The following FUT8 variants were observed in gnomAD, a reference collection of about 807,000 sequenced individuals.
The protein encoded by FUT8 is fucosyltransferase 8.
Under a neutral mutation model 71.3 loss-of-function variants are expected in FUT8, and 29 were observed. The observed-to-expected ratio is 0.41, with a 90% confidence interval of 0.30 to 0.55. The LOEUF (loss-of-function observed/expected upper bound fraction) is 0.55, where lower values mean the gene tolerates loss of function less well. Ranked by LOEUF, FUT8 falls within the 20% of genes least tolerant of loss-of-function variation. FUT8 has a pLI of 0.34. For missense variants in FUT8, 544 were observed against 702.1 expected (o/e 0.77, Z 2.55); for synonymous variants, 254 against 239.3 (o/e 1.06, Z -0.57).
In FUT8 at chr14:65,692,579, C is replaced by T. The variant is rs370853617; in HGVS notation, c.835+23099C>T. Among the ~76,000 whole-genome samples the T allele has an allele frequency of 4.2e-3, 626 of 149,462 alleles. 28 individuals are homozygous for T. In the East Asian group the frequency reaches 0.074, roughly 18 times the overall value. ...GGGCTGACCCCCCGCACCTCCCTCC[C>T]GGACGGGGCGGCTGGCTGGGCGGGG... On this transcript the variant is annotated intron_variant, in intron 7 of 10. Transcript: ENST00000673929.
intron 6 of FUT8, among the ~76,000 whole-genome samples, chr14:65,668,678 G>A (rs1892331903): frequency 6.6e-6 from 1 of 152,126 alleles, no homozygotes; most frequent in African/African-American, 2.4e-5. Context: ...CCGTTTTTGG[G>A]TATATAACCA....
chr14:65,708,393 G>A (rs553734465), intron 7 of FUT8, among the ~76,000 whole-genome samples: 2 of 152,228 alleles, frequency 1.3e-5, no homozygotes, highest in East Asian at 3.9e-4. Flanking sequence ...CGAATCTCAG[G>A]CAGTTCTTTA....
chr14:65,548,112 TTTA>T (rs962990550), intron 2 of FUT8, among the ~76,000 whole-genome samples: 1 of 152,034 alleles, frequency 6.6e-6, no homozygotes, highest in African/African-American at 2.4e-5. Flanking sequence ...GATATTTTCT[TTTA>T]TTATTAGACT....
intron 2 of FUT8, among the ~76,000 whole-genome samples, chr14:65,459,607 T>C (rs1026815913): frequency 3.2e-4 from 49 of 152,106 alleles, no homozygotes; most frequent in African/African-American, 9.9e-4. Context: ...AGAGAGAGAA[T>C]GATGAGTAAA....
At chr14:65,587,755 C>G (rs537442280) in intron 3 of FUT8, among the ~76,000 whole-genome samples, 1 of 152,070 alleles carries the variant, frequency 6.6e-6, no homozygotes, top group Non-Finnish European at 1.5e-5. Flanking sequence ...GTATGCATGC[C>G]TGATTTTATA....
At chr14:65,696,245 G>A (rs920025084) in intron 7 of FUT8, among the ~76,000 whole-genome samples, 10 of 152,126 alleles carry the variant, frequency 6.6e-5, no homozygotes, top group African/African-American at 1.4e-4. Context: ...TCTGAAGCTA[G>A]CAACAAATTT....
chr14:65,533,810 A>G (rs1179891197), intron 2 of FUT8, among the ~76,000 whole-genome samples: 1 of 152,146 alleles, frequency 6.6e-6, no homozygotes, highest in African/African-American at 2.4e-5. Flanking sequence ...TTCAATACCT[A>G]GTTCATTGAG....
At chr14:65,624,284 C>CTTTTT (rs61702275) in intron 5 of FUT8, among the ~76,000 whole-genome samples, 1 of 145,688 alleles carries the variant, frequency 6.9e-6, no homozygotes. Flanking sequence ...TTAGTGTACT[C>CTTTTT]TTTTTTTTTT....
intron 1 of FUT8, among the ~76,000 whole-genome samples, chr14:65,435,715 A>G (rs2065545369): frequency 6.6e-6 from 1 of 151,384 alleles, no homozygotes; most frequent in Non-Finnish European, 1.5e-5. Context: ...ACCATTTTGC[A>G]TTTCCACCAA....
At chr14:65,502,011 A>G (rs1447501257) in intron 2 of FUT8, among the ~76,000 whole-genome samples, 1 of 151,840 alleles carries the variant, frequency 6.6e-6, no homozygotes, top group Non-Finnish European at 1.5e-5. Context: ...CCCAAACTCA[A>G]GCAGTCCTCT....
the FUT8 span, among the ~76,000 whole-genome samples, chr14:65,387,958 A>G: frequency 0.13 from 20,459 of 152,224 alleles, 2,045 homozygotes; most frequent in East Asian, 0.54. Context: ...AAAAGAAGCC[A>G]GAGTATGATC....
At chr14:65,401,261 T>C in the FUT8 span, among the ~76,000 whole-genome samples, 84 of 152,274 alleles carry the variant, frequency 5.5e-4, no homozygotes, top group African/African-American at 1.3e-3. Context: ...ATTAGGAGAA[T>C]TGCAGAAAAT....
At chr14:65,423,174 C>CG (rs1196255130) in intron 1 of FUT8, among the ~76,000 whole-genome samples, 3 of 151,000 alleles carry the variant, frequency 2.0e-5, no homozygotes, top group South Asian at 2.1e-4. Flanking sequence ...TTTGTAGAGA[C>CG]GGGGTTTCAC....
intron 2 of FUT8, among the ~76,000 whole-genome samples, chr14:65,526,569 G>A (rs1295509536): frequency 6.6e-6 from 1 of 152,082 alleles, no homozygotes; most frequent in Non-Finnish European, 1.5e-5. Flanking sequence ...TACATTTAAG[G>A]TTAATATTGT....
At chr14:65,586,089 A>G (rs920851061) in intron 3 of FUT8, among the ~76,000 whole-genome samples, 1 of 152,228 alleles carries the variant, frequency 6.6e-6, no homozygotes, top group African/African-American at 2.4e-5. Context: ...AAAATAATAA[A>G]GACACTTTCC....
At position 65,742,393 on chromosome 14, in the gene FUT8, C is replaced by T; in HGVS notation, c.1711C>T (p.Pro571Ser). 6 of 1,611,028 alleles carry T rather than the reference C, an allele frequency of 3.7e-6. No individual in the cohort carries two copies. The highest frequency in any genetic ancestry group is 5.1e-6 in the Non-Finnish European group (6 of 1,178,026). The change falls in exon 11 of 11, where the codon CCT becomes TCT. Residue 571 changes from proline (P) to serine (S), a missense_variant. Transcript: ENST00000673929. ...AGAAACGGTCAAGTACCCCACATAT[C>T]CTGAGGCTGAGAAATAAAGCTCAGA... is the stretch of plus-strand genomic sequence containing the variant. ...KIETVKYPTY[P>S]EAEK
At chr14:65,503,181 C>T (rs557487996) in intron 2 of FUT8, among the ~76,000 whole-genome samples, 4 of 152,172 alleles carry the variant, frequency 2.6e-5, no homozygotes, top group African/African-American at 7.2e-5. Context: ...TATAATGCTG[C>T]CCTGAATGCA....
chr14:65,613,762 A>G (rs1889129941), intron 3 of FUT8, among the ~76,000 whole-genome samples: 1 of 152,212 alleles, frequency 6.6e-6, no homozygotes, highest in South Asian at 2.1e-4. Context: ...TTATCAGGTT[A>G]TATAGAAAAT....
chr14:65,667,804 G>A (rs1022366454), intron 6 of FUT8, among the ~76,000 whole-genome samples: 1 of 152,020 alleles, frequency 6.6e-6, no homozygotes, highest in Non-Finnish European at 1.5e-5. Context: ...CATGGTATGG[G>A]TACCAAACAC....
Sources: gnomAD v4.1 joint callset for allele counts (sites outside exome capture counted in the v4.1 genomes callset) on GRCh38, gnomAD v4.1.1 for gene constraint, MANE v1.5 for transcripts, NCBI Gene and HGNC (gene_info 2026-07-23, HGNC 2026-07-21) for gene names.